Variants in RARS2 observed in about 807,000 individuals in gnomAD.
RARS2 encodes arginyl-tRNA synthetase 2, mitochondrial.
RARS2 carries 67 observed loss-of-function variants against 88.5 expected under a neutral mutation model. The observed-to-expected ratio is 0.76, with a 90% CI of 0.62 to 0.93. RARS2 has a LOEUF of 0.93. Among genes scored for constraint, RARS2 ranks in the 40% least tolerant of loss-of-function variants. RARS2 has a pLI of 0.00. For synonymous variants in RARS2, 239 were observed against 230.3 expected (o/e 1.04, Z -0.34); for missense variants, 664 against 684.2 (o/e 0.97, Z 0.33).
At chr6:87,580,320 A>G (rs2128218797) in intron 1 of RARS2, among the ~76,000 whole-genome samples, 1 of 152,294 alleles carries the variant, frequency 6.6e-6, no homozygotes, top group East Asian at 1.9e-4. Flanking sequence ...TCACAGAATA[A>G]AATATCCTAA....
At chr6:87,538,023 T>TCAA (rs1779739171) in intron 8 of RARS2, among the ~76,000 whole-genome samples, 1 of 152,250 alleles carries the variant, frequency 6.6e-6, no homozygotes, top group Non-Finnish European at 1.5e-5. Context: ...CAACATTTGC[T>TCAA]TAAAGCTCAA....
chr6:87,586,442 A>G (rs1240420654), intron 1 of RARS2, among the ~76,000 whole-genome samples: 4 of 152,156 alleles, frequency 2.6e-5, no homozygotes, highest in Admixed American at 1.3e-4. Context: ...CAAAACTGAG[A>G]CCTAACATCA....
chr6:87,516,917 G>A, intron 17 of RARS2, 37 bp from the exon 18 acceptor site: 1 of 1,611,918 alleles, frequency 6.2e-7, no homozygotes, highest in Non-Finnish European at 8.5e-7. Flanking sequence ...GGAAAAGACT[G>A]TACACATTAC....
At chr6:87,519,097 T>C (rs1453369276) in intron 14 of RARS2, 1 of 568,672 alleles carries the variant, frequency 1.8e-6, no homozygotes, top group Non-Finnish European at 3.1e-6. Flanking sequence ...CAAATTTATT[T>C]ATTCAAAAGA....
At chr6:87,531,588 C>T (rs1056361760) in intron 8 of RARS2, among the ~76,000 whole-genome samples, 1 of 152,100 alleles carries the variant, frequency 6.6e-6, no homozygotes, top group Non-Finnish European at 1.5e-5. Flanking sequence ...AACTTAAGAT[C>T]CTAAAAACTG....
intron 6 of RARS2, among the ~76,000 whole-genome samples, chr6:87,546,959 C>T (rs1339289338): frequency 6.6e-6 from 1 of 152,132 alleles, no homozygotes; most frequent in Admixed American, 6.5e-5. Context: ...AATTAAATGT[C>T]TGAACCTAGA....
intron 1 of RARS2, among the ~76,000 whole-genome samples, chr6:87,580,942 G>C (rs759726793): frequency 1.3e-5 from 2 of 152,092 alleles, no homozygotes; most frequent in Non-Finnish European, 2.9e-5. Flanking sequence ...CTAAACTTTA[G>C]ATTTAGGAAC....
intron 1 of RARS2, among the ~76,000 whole-genome samples, chr6:87,578,016 C>G (rs1772117081): frequency 1.3e-5 from 2 of 152,010 alleles, no homozygotes; most frequent in Non-Finnish European, 2.9e-5. Flanking sequence ...AGCGCGGTGG[C>G]TCATGCCTGT....
At chr6:87,581,191 A>G (rs1025506537) in intron 1 of RARS2, among the ~76,000 whole-genome samples, 7 of 152,248 alleles carry the variant, frequency 4.6e-5, no homozygotes, top group African/African-American at 1.7e-4. Context: ...TTCAGGATCA[A>G]AATCTGTGAA....
intron 9 of RARS2, among the ~76,000 whole-genome samples, chr6:87,529,898 TAA>T (rs11366765): frequency 9.3e-4 from 134 of 144,740 alleles, no homozygotes; most frequent in African/African-American, 2.6e-3. Flanking sequence ...TATTTTTGTT[TAA>T]AAAAAAAAAA....
intron 1 of RARS2, among the ~76,000 whole-genome samples, chr6:87,578,284 G>A (rs1772253464): frequency 6.6e-6 from 1 of 151,918 alleles, no homozygotes. Context: ...ATACAGCCTG[G>A]ATTTTGTAAA....
At chr6:87,519,124 A>T (rs1479390867) in intron 14 of RARS2, 1 of 483,810 alleles carries the variant, frequency 2.1e-6, no homozygotes, top group Non-Finnish European at 3.7e-6. Context: ...TAGGAAAAAT[A>T]AATTTGGATT....
intron 1 of RARS2, among the ~76,000 whole-genome samples, chr6:87,585,869 G>C (rs537487247): frequency 4.6e-5 from 7 of 152,228 alleles, no homozygotes; most frequent in East Asian, 3.9e-4. Flanking sequence ...CGTGCATAAA[G>C]AGTGATAGTA....
chr6:87,579,720 T>G (rs995655664), intron 1 of RARS2, among the ~76,000 whole-genome samples: 3 of 104,158 alleles, frequency 2.9e-5, no homozygotes, highest in Admixed American at 9.3e-5. Context: ...AGCATGTTTT[T>G]TTTTTTTTTT....
chr6:87,583,188 TTAA>T (rs1433039474), intron 1 of RARS2, among the ~76,000 whole-genome samples: 1 of 152,208 alleles, frequency 6.6e-6, no homozygotes, highest in Non-Finnish European at 1.5e-5. Flanking sequence ...TGGCAAAATG[TTAA>T]TAACTGCTGA....
chr6:87,552,300 C>A (rs1329606492), intron 5 of RARS2, among the ~76,000 whole-genome samples: 1 of 152,120 alleles, frequency 6.6e-6, no homozygotes. Flanking sequence ...CAGAAGAAAT[C>A]CAAGAACAAT....
At chr6:87,559,633 A>G (rs1296019138) in intron 4 of RARS2, among the ~76,000 whole-genome samples, 1 of 152,188 alleles carries the variant, frequency 6.6e-6, no homozygotes, top group East Asian at 1.9e-4. Flanking sequence ...CTGGAATTAC[A>G]GGCGTGAGCC....
At chr6:87,551,991 C>G (rs1402234770) in intron 5 of RARS2, among the ~76,000 whole-genome samples, 2 of 152,202 alleles carry the variant, frequency 1.3e-5, no homozygotes. Flanking sequence ...GAGTCCAAAT[C>G]TATGATGGAC....
At chr6:87,561,098 AAC>A (rs369743340) in intron 4 of RARS2, among the ~76,000 whole-genome samples, 24 of 152,310 alleles carry the variant, frequency 1.6e-4, no homozygotes, top group African/African-American at 5.8e-4. Context: ...TGGACTGTAA[AAC>A]AGTTAAAATT....
Sources: allele counts gnomAD v4.1 joint callset (sites outside exome capture counted in the v4.1 genomes callset), GRCh38; gene constraint gnomAD v4.1.1; transcripts MANE v1.5; gene names NCBI Gene and HGNC (gene_info 2026-07-23, HGNC 2026-07-21).